Variants in GSK3B observed in about 807,000 individuals in gnomAD.
GSK3B encodes glycogen synthase kinase-3 beta.
GSK3B carries 15 observed loss-of-function variants against 56.4 expected under a neutral mutation model. The observed-to-expected ratio is 0.27, with a 90% CI of 0.18 to 0.41. The LOEUF is 0.41. Ranked by LOEUF, GSK3B falls within the 10% of genes least tolerant of loss-of-function variation. The pLI is 1.00. For missense variants in GSK3B, 300 were observed against 513.4 expected (o/e 0.58, Z 4.02); for synonymous variants, 181 against 188.9 (o/e 0.96, Z 0.34).
intron 1 of GSK3B, among the ~76,000 whole-genome samples, chr3:120,046,009 T>C (rs1207802045): frequency 6.6e-6 from 1 of 151,538 alleles, no homozygotes; most frequent in African/African-American, 2.4e-5. Context: ...ATTCCAACTA[T>C]AGGACATTCT....
intron 2 of GSK3B, among the ~76,000 whole-genome samples, chr3:120,001,025 C>G (rs565891824): frequency 6.7e-6 from 1 of 149,230 alleles, no homozygotes; most frequent in Non-Finnish European, 1.5e-5. Flanking sequence ...CCCGGGTTCA[C>G]GCCATTCTCC....
chr3:119,972,400 A>AG (rs2057375699), intron 2 of GSK3B, among the ~76,000 whole-genome samples: 1 of 152,120 alleles, frequency 6.6e-6, no homozygotes, highest in African/African-American at 2.4e-5. Flanking sequence ...AATTAAGGGG[A>AG]GGGGAAAAAA....
chr3:120,043,061 A>T (rs899237593), intron 1 of GSK3B, among the ~76,000 whole-genome samples: 2 of 152,218 alleles, frequency 1.3e-5, no homozygotes, highest in African/African-American at 4.8e-5. Context: ...TTAAAACCAA[A>T]GGTCTCTTAG....
intron 1 of GSK3B, among the ~76,000 whole-genome samples, chr3:120,008,734 A>T (rs2057752073): frequency 6.6e-6 from 1 of 152,218 alleles, no homozygotes; most frequent in African/African-American, 2.4e-5. Context: ...CTTAAACGTT[A>T]AGACCTAGGT....
At position 119,822,959 on chromosome 3, in the gene GSK3B, G is replaced by A. The variant is rs999237662; in HGVS notation, c.*3829C>T. 1 of 229,362 alleles carries A rather than the reference G, an allele frequency of 4.4e-6. No individual in the cohort carries two copies. Among genetic ancestry groups the A allele is most frequent in the African/African-American group, 2.2e-5 (1 of 45,140 alleles). 14.2% of individuals were successfully genotyped at this position (229,362 alleles called of 1,614,324 possible). A position where few individuals can be genotyped will look rare whatever the true frequency, so the allele number is the denominator to read the frequency against. ...ACAGGGATAGAGAATACTCCTCTCA[G>A]AAACCTTTGCATTGGTGCAGACAAG... On this transcript the variant is annotated 3_prime_UTR_variant, in exon 11 of 11. Coordinates refer to ENST00000264235, the MANE Select transcript of GSK3B (RefSeq NM_001146156.2).
At chr3:119,835,327 C>T (rs1009153566) in intron 10 of GSK3B, among the ~76,000 whole-genome samples, 1 of 152,132 alleles carries the variant, frequency 6.6e-6, no homozygotes, top group Non-Finnish European at 1.5e-5. Context: ...GACTCTACTT[C>T]TAAAAATTTA....
chr3:119,912,502 T>G lies in GSK3B; in HGVS notation c.715+202A>C, dbSNP rs9832865. The stretch of plus-strand genomic sequence containing the variant: ...AGGGTTGACACAAACCTTTGAGAGG[T>G]TAAAAAAAAAAAAGCAGTGCCTGGA... On this transcript the variant is annotated intron_variant, in intron 6 of 10. Coordinates refer to ENST00000264235, the MANE Select transcript of GSK3B (RefSeq NM_001146156.2). Among the ~76,000 whole-genome samples, 5,179 of 150,278 alleles carry G rather than the reference T, an allele frequency of 0.034. 318 individuals carry two copies. Among genetic ancestry groups the G allele is most frequent in the African/African-American group, 0.12 (4,920 of 40,878 alleles).
intron 2 of GSK3B, among the ~76,000 whole-genome samples, chr3:119,992,588 T>C (rs1464866981): frequency 6.6e-6 from 1 of 150,758 alleles, no homozygotes; most frequent in Non-Finnish European, 1.5e-5. Context: ...AAAATCCAGA[T>C]AAAAGAGCAA....
chr3:120,065,617 C>T (rs1404512158), intron 1 of GSK3B, among the ~76,000 whole-genome samples: 1 of 151,984 alleles, frequency 6.6e-6, no homozygotes, highest in Admixed American at 6.6e-5. Flanking sequence ...TAGGTACAGA[C>T]CTAAAAGAAA....
At chr3:120,072,073 C>A (rs919314980) in intron 1 of GSK3B, among the ~76,000 whole-genome samples, 1 of 152,170 alleles carries the variant, frequency 6.6e-6, no homozygotes, top group Non-Finnish European at 1.5e-5. Flanking sequence ...GTCAGCCTGG[C>A]CCTCACCTGC....
At chr3:120,075,732 G>A (rs2058362296) in intron 1 of GSK3B, among the ~76,000 whole-genome samples, 1 of 151,694 alleles carries the variant, frequency 6.6e-6, no homozygotes, top group South Asian at 2.1e-4. Context: ...AAAATGAAGA[G>A]GACACAAATA....
intron 1 of GSK3B, among the ~76,000 whole-genome samples, chr3:120,079,335 CACACACACACACACAT>C (rs1279921257): frequency 8.3e-5 from 12 of 144,602 alleles, no homozygotes; most frequent in Non-Finnish European, 1.7e-4. Context: ...CACACACACA[CACACACACACACACAT>C]TTTTTTTTTT....
chr3:120,072,833 G>A (rs2058337463), intron 1 of GSK3B, among the ~76,000 whole-genome samples: 1 of 152,132 alleles, frequency 6.6e-6, no homozygotes, highest in African/African-American at 2.4e-5. Context: ...TAAGGACAGA[G>A]GCAGGTGAAG....
At chr3:119,993,997 C>T (rs578040538) in intron 2 of GSK3B, among the ~76,000 whole-genome samples, 3 of 152,218 alleles carry the variant, frequency 2.0e-5, no homozygotes, top group African/African-American at 7.2e-5. Context: ...CCTCAGCCTC[C>T]CTTACAGGCA....
chr3:119,981,133 T>C (rs779390310), intron 2 of GSK3B, among the ~76,000 whole-genome samples: 1 of 152,172 alleles, frequency 6.6e-6, no homozygotes, highest in Admixed American at 6.5e-5. Context: ...ACTGCACTTC[T>C]TTCTAGGTCC....
At position 119,884,570 on chromosome 3, in the gene GSK3B, A is replaced by G. The variant is rs77044417; in HGVS notation, c.814-8062T>C. On this transcript the variant is annotated intron_variant, in intron 7 of 10. Transcript: ENST00000264235. Reference sequence around the variant, plus strand: ...CTCAAGGTTACAATTTGTCAGTGGTAGATAGGGATACAAATGCATGTGTCA... The same window carrying G: ...CTCAAGGTTACAATTTGTCAGTGGTGGATAGGGATACAAATGCATGTGTCA... 2.6e-5 allele frequency among the ~76,000 whole-genome samples: 4 copies of G among 152,174 alleles called. No homozygotes were observed. The East Asian group carries it at 7.7e-4, about 29-fold the overall frequency.
chr3:119,996,035 G>C (rs915820591), intron 2 of GSK3B, among the ~76,000 whole-genome samples: 1 of 152,174 alleles, frequency 6.6e-6, no homozygotes, highest in Non-Finnish European at 1.5e-5. Context: ...ACCACTCCTG[G>C]CCTAAGCCTG....
At chr3:119,998,145 T>C (rs1254234990) in intron 2 of GSK3B, among the ~76,000 whole-genome samples, 1 of 152,196 alleles carries the variant, frequency 6.6e-6, no homozygotes, top group Non-Finnish European at 1.5e-5. Context: ...AGATGGTTCA[T>C]ATTATTGTGG....
rs575113083 is a variant in GSK3B at position 120,017,874 on chromosome 3, A to C, written c.89-15635T>G. On this transcript the variant is annotated intron_variant, in intron 1 of 10. Coordinates refer to ENST00000264235, the MANE Select transcript of GSK3B (RefSeq NM_001146156.2). ...TGACAAATTTCTACAGGCTTCTACTATACTTTGGAAACTAAAGTCTGAAAG... is the reference window on the plus strand; with the variant it reads ...TGACAAATTTCTACAGGCTTCTACTCTACTTTGGAAACTAAAGTCTGAAAG... Among the ~76,000 whole-genome samples the C allele has an allele frequency of 3.3e-5, 5 of 152,350 alleles. No homozygotes were observed. In the South Asian group the frequency reaches 1.0e-3, roughly 32 times the overall value.
Sources: allele counts gnomAD v4.1 joint callset (sites outside exome capture counted in the v4.1 genomes callset), GRCh38; gene constraint gnomAD v4.1.1; transcripts MANE v1.5; gene names NCBI Gene and HGNC (gene_info 2026-07-23, HGNC 2026-07-21).